Variants in DPYD observed in about 807,000 individuals in gnomAD.
The protein encoded by DPYD is dihydropyrimidine dehydrogenase, also known as dihydropyrimidine dehydrogenase [NADP(+)].
In DPYD, 109 loss-of-function variants were observed where a neutral mutation model predicts 116.2. The observed-to-expected ratio is 0.94, with a 90% CI of 0.80 to 1.10. DPYD has a LOEUF of 1.10. Among genes scored for constraint, DPYD ranks in the 50% least tolerant of loss-of-function variants. DPYD has a pLI of 0.00. For synonymous variants in DPYD, 440 were observed against 432.0 expected, an observed-to-expected ratio of 1.02 and a Z score of -0.23; for missense variants, 1,302 against 1,254.5, an observed-to-expected ratio of 1.04 and a Z score of -0.57.
intron 12 of DPYD, among the ~76,000 whole-genome samples, chr1:97,520,497 T>C (rs1479777659): frequency 1.3e-5 from 2 of 152,168 alleles, no homozygotes; most frequent in Non-Finnish European, 2.9e-5. Context: ...TACTTTAGTA[T>C]TATTCTTTGA....
chr1:97,195,519 GGA>G (rs3050245), intron 19 of DPYD, among the ~76,000 whole-genome samples: 1,623 of 75,002 alleles, frequency 0.022, 60 homozygotes, highest in African/African-American at 0.064. Flanking sequence ...AATGGGATAA[GGA>G]GAGAGAGAGA....
chr1:97,391,175 C>T (rs7530072), intron 14 of DPYD, among the ~76,000 whole-genome samples: 10,463 of 151,444 alleles, frequency 0.069, 489 homozygotes, highest in East Asian at 0.18. Context: ...ATCATATTCG[C>T]AATGACTGTA....
intron 2 of DPYD, among the ~76,000 whole-genome samples, chr1:97,847,593 C>G (rs1418765215): frequency 6.6e-6 from 1 of 152,088 alleles, no homozygotes; most frequent in Admixed American, 6.5e-5. Context: ...TATTTATTGA[C>G]TCTGATACTT....
chr1:97,464,992 G>C (rs1330092028), intron 13 of DPYD, among the ~76,000 whole-genome samples: 1 of 152,178 alleles, frequency 6.6e-6, no homozygotes, highest in African/African-American at 2.4e-5. Flanking sequence ...CAGGAGGAGG[G>C]CTATACCCTG....
intron 12 of DPYD, among the ~76,000 whole-genome samples, chr1:97,535,686 T>G (rs1249554485): frequency 6.6e-6 from 1 of 152,194 alleles, no homozygotes; most frequent in Non-Finnish European, 1.5e-5. Flanking sequence ...TAAAAGGCAT[T>G]AAAATTACTT....
intron 20 of DPYD, among the ~76,000 whole-genome samples, chr1:97,107,395 C>G (rs1258205203): frequency 1.3e-5 from 2 of 151,990 alleles, no homozygotes; most frequent in Non-Finnish European, 2.9e-5. Context: ...GTTTTACTTT[C>G]CTTGCATTCT....
intron 20 of DPYD, among the ~76,000 whole-genome samples, chr1:97,126,216 C>T (rs530190023): frequency 1.3e-5 from 2 of 152,252 alleles, no homozygotes; most frequent in Admixed American, 1.3e-4. Context: ...CCAACCTCCA[C>T]ACATGAGTAT....
chr1:97,127,098 G>A (rs745452757), intron 20 of DPYD, among the ~76,000 whole-genome samples: 2 of 152,184 alleles, frequency 1.3e-5, no homozygotes, highest in Non-Finnish European at 2.9e-5. Flanking sequence ...TACAAGGGAA[G>A]TGACACATTC....
intron 13 of DPYD, among the ~76,000 whole-genome samples, chr1:97,479,736 G>A (rs945881): frequency 0.55 from 83,204 of 152,032 alleles, 23,367 homozygotes; most frequent in Middle Eastern, 0.65. Context: ...AAAGCACAAT[G>A]AAACAAGGTA....
chr1:97,614,699 ATATG>A (rs1419689572), intron 8 of DPYD, among the ~76,000 whole-genome samples: 1 of 152,042 alleles, frequency 6.6e-6, no homozygotes, highest in East Asian at 1.9e-4. Context: ...ACACTTTTCA[ATATG>A]TATTTTAAAA....
chr1:97,220,281 A>G (rs546371384), intron 19 of DPYD, among the ~76,000 whole-genome samples: 29 of 152,276 alleles, frequency 1.9e-4, no homozygotes, highest in African/African-American at 6.7e-4. Flanking sequence ...TAGCAAGCAC[A>G]GGCCCCTCAT....
intron 6 of DPYD, among the ~76,000 whole-genome samples, chr1:97,696,042 A>G (rs1179821242): frequency 2.0e-5 from 3 of 151,926 alleles, no homozygotes; most frequent in Non-Finnish European, 4.4e-5. Flanking sequence ...AGGCAGAAGA[A>G]TCACTTGAAT....
chr1:97,211,244 A>G (rs969447168), intron 19 of DPYD, among the ~76,000 whole-genome samples: 1 of 152,034 alleles, frequency 6.6e-6, no homozygotes, highest in African/African-American at 2.4e-5. Context: ...CTTTCTCCAT[A>G]CTTTCCCATA....
chr1:97,697,094 T>C (rs1007253841), intron 6 of DPYD, among the ~76,000 whole-genome samples: 2 of 152,128 alleles, frequency 1.3e-5, no homozygotes, highest in Non-Finnish European at 2.9e-5. Flanking sequence ...TTTGTTATAA[T>C]ATCAAGCCCT....
chr1:97,790,864 AT>A (rs1355755598), intron 3 of DPYD, among the ~76,000 whole-genome samples: 2 of 152,208 alleles, frequency 1.3e-5, no homozygotes, highest in Non-Finnish European at 2.9e-5. Context: ...ATTATCTACA[AT>A]TTTCACGTCC....
chr1:97,644,056 C>A (rs1450452194), intron 8 of DPYD, among the ~76,000 whole-genome samples: 4 of 151,818 alleles, frequency 2.6e-5, no homozygotes, highest in African/African-American at 9.7e-5. Flanking sequence ...ACGTTCTGCA[C>A]ATGCAACCTA....
chr1:97,144,503 C>T (rs1227959351), intron 20 of DPYD, among the ~76,000 whole-genome samples: 1 of 152,186 alleles, frequency 6.6e-6, no homozygotes. Context: ...ATAATCTCTA[C>T]TATCAACTTT....
chr1:97,746,525 T>A (rs1407664398), intron 3 of DPYD, among the ~76,000 whole-genome samples: 1 of 152,126 alleles, frequency 6.6e-6, no homozygotes, highest in Non-Finnish European at 1.5e-5. Context: ...TACTTATGAC[T>A]ATTAAAGACT....
intron 3 of DPYD, among the ~76,000 whole-genome samples, chr1:97,800,283 T>A (rs763259681): frequency 7.9e-5 from 12 of 151,940 alleles, no homozygotes; most frequent in Non-Finnish European, 1.8e-4. Flanking sequence ...ATCTATTTAC[T>A]TCAAGTTTTT....
Sources: gnomAD v4.1 joint callset for allele counts (sites outside exome capture counted in the v4.1 genomes callset) on GRCh38, gnomAD v4.1.1 for gene constraint, MANE v1.5 for transcripts, NCBI Gene and HGNC (gene_info 2026-07-23, HGNC 2026-07-21) for gene names.